UBE2U: variants seen among roughly 807,000 people sequenced by gnomAD.
UBE2U encodes ubiquitin conjugating enzyme E2 U.
A neutral mutation model predicts 41.2 loss-of-function variants in UBE2U; 39 were observed. The observed-to-expected ratio is 0.95, with a 90% CI of 0.73 to 1.24. The LOEUF is 1.24. UBE2U is among the 50% of genes most tolerant of loss of function. The pLI, the probability that UBE2U is intolerant of heterozygous loss-of-function variation, is 0.00. For missense variants in UBE2U, 336 were observed against 363.1 expected (o/e 0.93, Z 0.61); for synonymous variants, 107 against 117.8 (o/e 0.91, Z 0.60).
At chr1:64,213,771 C>T (rs78836196) in intron 4 of UBE2U, among the ~76,000 whole-genome samples, 14 of 152,262 alleles carry the variant, frequency 9.2e-5, no homozygotes, top group African/African-American at 2.6e-4. Flanking sequence ...TGAGTTGTTA[C>T]ACATTTCATC....
intron 2 of UBE2U, among the ~76,000 whole-genome samples, chr1:64,206,105 T>C (rs1569936673): frequency 6.6e-6 from 1 of 152,180 alleles, no homozygotes; most frequent in East Asian, 1.9e-4. Flanking sequence ...CATTTTTTCC[T>C]TTATGATTTT....
intron 7 of UBE2U, among the ~76,000 whole-genome samples, chr1:64,240,214 T>A (rs1410545134): frequency 6.6e-6 from 1 of 152,184 alleles, no homozygotes; most frequent in Non-Finnish European, 1.5e-5. Context: ...ATTTGCATCT[T>A]TGCTTCAAAC....
intron 9 of UBE2U, among the ~76,000 whole-genome samples, chr1:64,265,298 G>T (rs1338678830): frequency 1.3e-5 from 2 of 152,132 alleles, no homozygotes; most frequent in Non-Finnish European, 2.9e-5. Context: ...CTCTCCTATT[G>T]TTTAAACTGG....
At chr1:64,250,925 A>T (rs12406606) in intron 8 of UBE2U, among the ~76,000 whole-genome samples, 26,147 of 100,892 alleles carry the variant, frequency 0.26, 2,704 homozygotes, top group Middle Eastern at 0.39. Flanking sequence ...GGGTGGGGGG[A>T]GGGGGGAGGT....
intron 7 of UBE2U, among the ~76,000 whole-genome samples, chr1:64,240,889 C>T (rs1470309017): frequency 6.6e-6 from 1 of 152,066 alleles, no homozygotes; most frequent in Non-Finnish European, 1.5e-5. Flanking sequence ...CCCACCACGC[C>T]TGGCTAATTT....
chr1:64,257,812 G>A (rs1432357697), intron 8 of UBE2U, among the ~76,000 whole-genome samples: 2 of 151,822 alleles, frequency 1.3e-5, no homozygotes, highest in Non-Finnish European at 1.5e-5. Context: ...TATATGTTAT[G>A]TGAATTTCAC....
intron 8 of UBE2U, among the ~76,000 whole-genome samples, chr1:64,253,862 G>A (rs1645050224): frequency 6.6e-6 from 1 of 152,114 alleles, no homozygotes; most frequent in Admixed American, 6.5e-5. Flanking sequence ...AAACAAGTCT[G>A]CAAAATAACC....
rs1355672919 is a variant in UBE2U at position 64,206,872 on chromosome 1, C to T, written c.241+16C>T. ...CATCCAAATGGTAAGAACTAAATGA[C>T]ATTTTTATCATTAGAGGCTTTGTCC... On this transcript the variant is annotated intron_variant, in intron 3 of 9. Coordinates refer to ENST00000371077, the MANE Select transcript of UBE2U (RefSeq NM_001366232.2). 2.2e-6 allele frequency: 3 copies of T among 1,385,562 alleles called. No homozygotes were observed. Among genetic ancestry groups the T allele is most frequent in the African/African-American group, 1.4e-5 (1 of 69,634 alleles). The allele number at this position is 1,385,562 out of a possible 1,614,324, so 85.8% of individuals were successfully genotyped here.
chr1:64,257,190 G>C (rs1017067102), intron 8 of UBE2U, among the ~76,000 whole-genome samples: 1 of 152,206 alleles, frequency 6.6e-6, no homozygotes, highest in Non-Finnish European at 1.5e-5. Context: ...AACCATTGTG[G>C]AAGACAGTGT....
At chr1:64,247,187 T>G (rs1300851612) in intron 8 of UBE2U, among the ~76,000 whole-genome samples, 1 of 151,500 alleles carries the variant, frequency 6.6e-6, no homozygotes, top group Non-Finnish European at 1.5e-5. Flanking sequence ...TATTCTTTAT[T>G]GGTTCCCTCT....
rs190780088 is a variant in UBE2U, at chr1:64,229,151, G to A, written c.507-3410G>A. On this transcript the variant is annotated intron_variant, in intron 6 of 9. Coordinates refer to ENST00000371077, the MANE Select transcript of UBE2U (RefSeq NM_001366232.2). The stretch of plus-strand genomic sequence containing the variant: ...TCAGATTGCAGGCGTGAGCCACTGC[G>A]CCTGGCCTAATTTTTGTATTTTTAA... 3.7e-4 allele frequency among the ~76,000 whole-genome samples: 56 copies of A among 151,638 alleles called. 1 individual carries two copies. The East Asian group carries it at 8.2e-3, about 22-fold the overall frequency.
chr1:64,251,253 C>T (rs72667267), intron 8 of UBE2U, among the ~76,000 whole-genome samples: 3,004 of 150,692 alleles, frequency 0.02, 43 homozygotes, highest in African/African-American at 0.046. Context: ...GGTTACATTC[C>T]TGATATAAAC....
intron 6 of UBE2U, among the ~76,000 whole-genome samples, chr1:64,230,751 C>A (rs968249520): frequency 6.6e-6 from 1 of 152,156 alleles, no homozygotes; most frequent in African/African-American, 2.4e-5. Context: ...AACCATATAA[C>A]ACTTTATCGC....
At chr1:64,229,681 C>A (rs547587474) in intron 6 of UBE2U, among the ~76,000 whole-genome samples, 1 of 152,172 alleles carries the variant, frequency 6.6e-6, no homozygotes, top group Non-Finnish European at 1.5e-5. Flanking sequence ...GTTAGGCTTT[C>A]GTTGTGGCTG....
intron 8 of UBE2U, among the ~76,000 whole-genome samples, chr1:64,250,833 T>C (rs1022386427): frequency 6.8e-6 from 1 of 147,486 alleles, no homozygotes; most frequent in East Asian, 2.0e-4. Flanking sequence ...AAACACCATA[T>C]GTTCTCACTC....
chr1:64,213,387 A>T (rs1185700899), intron 4 of UBE2U, among the ~76,000 whole-genome samples: 2 of 152,146 alleles, frequency 1.3e-5, no homozygotes, highest in Non-Finnish European at 2.9e-5. Flanking sequence ...TTGTTGTAAG[A>T]GTTGGAACAA....
chr1:64,262,828 G>A (rs983891521), intron 9 of UBE2U, among the ~76,000 whole-genome samples: 1 of 152,154 alleles, frequency 6.6e-6, no homozygotes, highest in African/African-American at 2.4e-5. Flanking sequence ...GGGCCATCTT[G>A]GAGTCTGTCC....
At chr1:64,253,597 G>A (rs1024648693) in intron 8 of UBE2U, among the ~76,000 whole-genome samples, 2 of 152,074 alleles carry the variant, frequency 1.3e-5, no homozygotes, top group African/African-American at 4.8e-5. Flanking sequence ...GAAGAGATTG[G>A]GGACCAATAT....
At chr1:64,224,638 G>A (rs959945492) in intron 6 of UBE2U, among the ~76,000 whole-genome samples, 5 of 151,848 alleles carry the variant, frequency 3.3e-5, no homozygotes, top group South Asian at 2.1e-4. Flanking sequence ...CAGGAGAATC[G>A]CTTGAACCCG....
Sources: allele counts gnomAD v4.1 joint callset (sites outside exome capture counted in the v4.1 genomes callset), GRCh38; gene constraint gnomAD v4.1.1; transcripts MANE v1.5; gene names NCBI Gene and HGNC (gene_info 2026-07-23, HGNC 2026-07-21).